Variants in BEST3 observed in about 807,000 individuals in gnomAD.
BEST3 encodes the protein bestrophin 3.
BEST3 carries 50 observed loss-of-function variants against 47.1 expected under a neutral mutation model. The observed-to-expected ratio is 1.06, with a 90% CI of 0.85 to 1.34. The LOEUF (loss-of-function observed/expected upper bound fraction) is 1.34, where lower values mean the gene tolerates loss of function less well. Ranked by LOEUF, BEST3 falls within the 40% of genes most tolerant of loss-of-function variation. BEST3 has a pLI of 0.00. For synonymous variants in BEST3, 282 were observed against 298.8 expected, an observed-to-expected ratio of 0.94 and a Z score of 0.58; for missense variants, 765 against 817.0, an observed-to-expected ratio of 0.94 and a Z score of 0.78.
In BEST3 at chr12:69,654,668, T is replaced by C; in HGVS notation, c.*239A>G. 1 of 1,263,996 alleles carries C rather than the reference T, an allele frequency of 7.9e-7. No homozygotes were observed. Among genetic ancestry groups the C allele is most frequent in the South Asian group, 3.0e-5 (1 of 33,080 alleles). 78.3% of individuals were successfully genotyped at this position (1,263,996 alleles called of 1,614,324 possible). ...GTTAAGACTTATTTGGCTAAATCAC[T>C]GTGGTCTGTGTAACTTCTGATGAAA... On this transcript the variant is annotated 3_prime_UTR_variant, in exon 10 of 10. Transcript: ENST00000330891.
chr12:69,655,107 G>A lies in BEST3; in HGVS notation c.1807C>T (p.Leu603=), dbSNP rs1565820254. ...PGFLGSSHTS[L]GNLSPDPMSS... is the part of the protein sequence containing the mutation. ...ATGGGGTCTGGACTTAGGTTTCCCA[G>A]GGAAGTGTGGCTGGACCCCAGGAAT... The change falls in exon 10 of 10, where the codon CTG becomes TTG. Residue 603 remains leucine, a synonymous_variant. Transcript: ENST00000330891. The A allele has an allele frequency of 1.2e-6, 2 of 1,614,178 alleles. No individual in the cohort carries two copies.
chr12:69,653,789 C>G lies in BEST3; in HGVS notation c.*1118G>C, dbSNP rs1427813199. 1.0e-6 allele frequency: 1 copy of G among 985,238 alleles called. No individual in the cohort carries two copies. The highest frequency in any genetic ancestry group is 1.7e-5 in the African/African-American group (1 of 57,200). The allele number at this position is 985,238 out of a possible 1,614,324, so 61.0% of individuals were successfully genotyped here. A position where few individuals can be genotyped will look rare whatever the true frequency, so the allele number is the denominator to read the frequency against. On this transcript the variant is annotated 3_prime_UTR_variant, in exon 10 of 10. Transcript: ENST00000330891. ...CGATCCCCATTATGCAGCTCTGGACCCCATTAGCCTCCCAGCTCCAGTATC... is the reference window on the plus strand; with the variant it reads ...CGATCCCCATTATGCAGCTCTGGACGCCATTAGCCTCCCAGCTCCAGTATC...
At chr12:69,657,875 G>C (rs1300370499) in intron 9 of BEST3, among the ~76,000 whole-genome samples, 1 of 152,186 alleles carries the variant, frequency 6.6e-6, no homozygotes, top group Admixed American at 6.5e-5. Flanking sequence ...AGCGCCCTTG[G>C]CTACCAGATA....
At chr12:69,663,029 A>C (rs1247655649) in intron 9 of BEST3, among the ~76,000 whole-genome samples, 3 of 152,324 alleles carry the variant, frequency 2.0e-5, no homozygotes, top group Admixed American at 2.0e-4. Context: ...CAAGGCCCTT[A>C]AGGGATTATC....
chr12:69,677,148 A>G (rs1300884102), intron 6 of BEST3, 32 bp downstream of exon 6: 10 of 1,613,728 alleles, frequency 6.2e-6, no homozygotes, highest in Non-Finnish European at 6.8e-6. Flanking sequence ...AGGCAAGTAG[A>G]AATAAAGAAT....
chr12:69,687,044 T>C (rs1885655970), intron 4 of BEST3, among the ~76,000 whole-genome samples: 1 of 152,224 alleles, frequency 6.6e-6, no homozygotes, highest in Non-Finnish European at 1.5e-5. Context: ...TTCAACCCAG[T>C]TCACTGCCTT....
intron 2 of BEST3, among the ~76,000 whole-genome samples, 188 bp downstream of exon 2, chr12:69,697,459 T>C (rs888451338): frequency 6.6e-6 from 1 of 152,176 alleles, no homozygotes; most frequent in African/African-American, 2.4e-5. Context: ...TGAGGGTCTA[T>C]TTTACAACCT....
chr12:69,655,120 G>A lies in BEST3; in HGVS notation c.1794C>T (p.Ser598=). Residue 598 remains serine (S), a synonymous_variant, in exon 10 of 10, where the codon TCC becomes TCT. Coordinates refer to ENST00000330891, the MANE Select transcript of BEST3 (RefSeq NM_032735.3). ...KRWSLPGFLG[S]SHTSLGNLSP... Reference sequence around the variant, plus strand: ...TTAGGTTTCCCAGGGAAGTGTGGCTGGACCCCAGGAATCCCGGAAGACTCC... The same window carrying A: ...TTAGGTTTCCCAGGGAAGTGTGGCTAGACCCCAGGAATCCCGGAAGACTCC... 1.2e-6 allele frequency: 2 copies of A among 1,614,144 alleles called. No homozygotes were observed. The highest frequency in any genetic ancestry group is 8.5e-7 in the Non-Finnish European group (1 of 1,180,024).
chr12:69,655,698 A>G lies in BEST3; in HGVS notation c.1216T>C (p.Ser406Pro), dbSNP rs762707351. The change falls in exon 10 of 10, where the codon TCC becomes CCC. Residue 406 changes from serine to proline, a missense_variant. Transcript: ENST00000330891. ...CTGTAGCTTCTTCTTCTGGGGCTGGAGGGGTGTTCGTGGGCACTCAGGAAC... is the reference window on the plus strand; with the variant it reads ...CTGTAGCTTCTTCTTCTGGGGCTGGGGGGGTGTTCGTGGGCACTCAGGAAC... ...KRFLSAHEHP[S>P]SPRRRSYRRQ... 2 of 1,613,628 alleles carry G rather than the reference A, an allele frequency of 1.2e-6. No individual in the cohort carries two copies. Among genetic ancestry groups the G allele is most frequent in the Admixed American group, 3.3e-5 (2 of 59,978 alleles).
chr12:69,696,228 A>G (rs575541437), intron 2 of BEST3, among the ~76,000 whole-genome samples: 35 of 152,158 alleles, frequency 2.3e-4, no homozygotes, highest in Non-Finnish European at 4.3e-4. Flanking sequence ...TTGAACTGAT[A>G]ATTTTTGTTA....
Position 69,663,590 on chromosome 12 carries a change from A to G in BEST3, c.1101-7777T>C, listed in dbSNP as rs372671911. On this transcript the variant is annotated intron_variant, in intron 9 of 9. Transcript: ENST00000330891. ...CCACCAGTAATCCCAACACTTTGGG[A>G]GGCCTTGGTGGGAGGATCTCTTGAG... 3.2e-4 allele frequency among the ~76,000 whole-genome samples: 49 copies of G among 152,278 alleles called. No homozygotes were observed. In the East Asian group the frequency reaches 7.1e-3, roughly 22 times the overall value.
chr12:69,665,578 G>A (rs1393525930), intron 9 of BEST3, among the ~76,000 whole-genome samples: 2 of 151,940 alleles, frequency 1.3e-5, no homozygotes, highest in Non-Finnish European at 2.9e-5. Context: ...GGGTGACAGA[G>A]AGAGACCTTG....
chr12:69,690,453 T>C (rs866777033), intron 4 of BEST3, among the ~76,000 whole-genome samples: 22 of 152,206 alleles, frequency 1.4e-4, no homozygotes, highest in African/African-American at 4.3e-4. Context: ...TACTTGCCCC[T>C]CAGACCTGAG....
In BEST3 at chr12:69,680,311, T is replaced by TTC. The variant is rs368224150; in HGVS notation, c.482-1419_482-1418insGA. On this transcript the variant is annotated intron_variant, in intron 4 of 9. Coordinates refer to ENST00000330891, the MANE Select transcript of BEST3 (RefSeq NM_032735.3). ...TAAAACTTACAGTTTACACTTGATC[T>TTC]TTTTTTTTTTTTTTTTAGATGGAGT... Among the ~76,000 whole-genome samples, 539 of 75,440 alleles carry TTC rather than the reference T, an allele frequency of 7.1e-3. 92 individuals are homozygous for TTC. The highest frequency in any genetic ancestry group is 0.03 in the African/African-American group (506 of 16,766). 49.5% of individuals were successfully genotyped at this position (75,440 alleles called of 152,430 possible).
At position 69,697,632 on chromosome 12, in the gene BEST3, T is replaced by A; in HGVS notation, c.152+15A>T. The A allele has an allele frequency of 6.5e-7, 1 of 1,537,908 alleles. No individual in the cohort carries two copies. The highest frequency in any genetic ancestry group is 8.8e-7 in the Non-Finnish European group (1 of 1,141,446). The stretch of plus-strand genomic sequence containing the variant: ...TATCTGATGGCCATTTAAGGAGACA[T>A]GTAAAGAAAAGTACCTGTATACCAA... On this transcript the variant is annotated intron_variant, in intron 2 of 9. Transcript: ENST00000330891.
intron 4 of BEST3, among the ~76,000 whole-genome samples, chr12:69,686,771 C>CAAAAAAACAAAAAACA (rs1555208493): frequency 6.0e-5 from 3 of 49,914 alleles, no homozygotes; most frequent in East Asian, 1.3e-3. Context: ...GATTCTGCCT[C>CAAAAAAACAAAAAACA]AAAAAAACAA....
chr12:69,677,185 T>G lies in BEST3; in HGVS notation c.709A>C (p.Thr237Pro). Reference protein sequence around the residue: ...YDWVGIPLVYTQVVTLAVYTF... With the variant: ...YDWVGIPLVYPQVVTLAVYTF... ...CCATGAAAAGTATTTCTTACCTGGG[T>G]GTAAACCAGCGGAATCCCAACCCAG... The change falls in exon 6 of 10, where the codon ACC (threonine) becomes CCC (proline). Residue 237 changes from threonine to proline, a missense_variant. Thr to Pro is a conservative substitution (Grantham distance 38, BLOSUM62 -1). Coordinates refer to ENST00000330891, the MANE Select transcript of BEST3 (RefSeq NM_032735.3). The G allele has an allele frequency of 6.2e-7, 1 of 1,613,884 alleles. No individual in the cohort carries two copies.
intron 7 of BEST3, among the ~76,000 whole-genome samples, chr12:69,674,326 T>TA (rs1184220374): frequency 2.6e-5 from 4 of 152,068 alleles, no homozygotes; most frequent in Non-Finnish European, 4.4e-5. Flanking sequence ...GAGGAGCTCT[T>TA]AAAAAAACCC....
At chr12:69,680,308 A>ATTTTTTT (rs1555207040) in intron 4 of BEST3, among the ~76,000 whole-genome samples, 1 of 3,280 alleles carries the variant, frequency 3.0e-4, no homozygotes, top group Admixed American at 3.3e-3. Flanking sequence ...TTTACACTTG[A>ATTTTTTT]TCTTTTTTTT....
Sources: gnomAD v4.1 joint callset for allele counts (sites outside exome capture counted in the v4.1 genomes callset) on GRCh38, gnomAD v4.1.1 for gene constraint, MANE v1.5 for transcripts, NCBI Gene and HGNC (gene_info 2026-07-23, HGNC 2026-07-21) for gene names.